CHCHD3: variants seen among roughly 807,000 people sequenced by gnomAD.
The protein encoded by CHCHD3 is MICOS complex subunit MIC19.
CHCHD3 carries 20 observed loss-of-function variants against 38.2 expected under a neutral mutation model. That is an observed-to-expected ratio of 0.52 (90% confidence interval 0.37 to 0.76). The LOEUF (loss-of-function observed/expected upper bound fraction) is 0.76, where lower values mean the gene tolerates loss of function less well. CHCHD3 is among the 30% of genes least tolerant of loss of function. The pLI, the probability that CHCHD3 is intolerant of heterozygous loss-of-function variation, is 0.00. For missense variants in CHCHD3, 245 were observed against 279.2 expected (o/e 0.88, Z 0.87); for synonymous variants, 82 against 100.0 (o/e 0.82, Z 1.07).
chr7:133,056,477 A>C (rs1814336003), intron 2 of CHCHD3, among the ~76,000 whole-genome samples: 1 of 152,156 alleles, frequency 6.6e-6, no homozygotes, highest in African/African-American at 2.4e-5. Context: ...CCTTTCCTGA[A>C]GTCTGCCCTG....
At chr7:133,006,546 A>C (rs148626229) in intron 3 of CHCHD3, among the ~76,000 whole-genome samples, 1 of 152,228 alleles carries the variant, frequency 6.6e-6, no homozygotes, top group Non-Finnish European at 1.5e-5. Context: ...GATACGAGCA[A>C]CCATGGTCAT....
At chr7:133,019,053 T>C (rs1813106951) in intron 3 of CHCHD3, among the ~76,000 whole-genome samples, 1 of 151,912 alleles carries the variant, frequency 6.6e-6, no homozygotes, top group African/African-American at 2.4e-5. Context: ...CCAGCTAATT[T>C]TGTATTTTTA....
intron 1 of CHCHD3, among the ~76,000 whole-genome samples, chr7:133,074,507 G>A (rs1814919715): frequency 6.6e-6 from 1 of 151,960 alleles, no homozygotes; most frequent in South Asian, 2.1e-4. Context: ...AAAAATCCCC[G>A]TAAGACTGAC....
intron 2 of CHCHD3, among the ~76,000 whole-genome samples, chr7:133,067,652 G>A (rs114825553): frequency 0.012 from 1,858 of 152,256 alleles, 32 homozygotes; most frequent in African/African-American, 0.042. Context: ...AAACTGGACA[G>A]CCATTTGTTT....
intron 4 of CHCHD3, among the ~76,000 whole-genome samples, chr7:132,918,573 G>A (rs1296506757): frequency 2.6e-5 from 4 of 152,244 alleles, no homozygotes; most frequent in Non-Finnish European, 5.9e-5. Context: ...CTCCAGTATG[G>A]TTCTGCTGAG....
At chr7:132,973,373 T>A (rs1811661649) in intron 4 of CHCHD3, 1 of 985,406 alleles carries the variant, frequency 1.0e-6, no homozygotes, top group African/African-American at 1.7e-5. Flanking sequence ...GAAATGACTT[T>A]TCAACCCACT....
intron 6 of CHCHD3, among the ~76,000 whole-genome samples, chr7:132,810,878 A>G (rs1338785718): frequency 6.6e-6 from 1 of 152,140 alleles, no homozygotes; most frequent in Non-Finnish European, 1.5e-5. Context: ...GAAAAATCAC[A>G]AAACTAGGGA....
At chr7:132,879,383 T>C (rs1477850679) in intron 5 of CHCHD3, among the ~76,000 whole-genome samples, 1 of 152,168 alleles carries the variant, frequency 6.6e-6, no homozygotes, top group Admixed American at 6.6e-5. Flanking sequence ...GAGGGCTTCA[T>C]GCTGAGCCAA....
chr7:132,909,358 G>A (rs1424743926), intron 4 of CHCHD3, among the ~76,000 whole-genome samples: 2 of 152,124 alleles, frequency 1.3e-5, no homozygotes, highest in Admixed American at 6.5e-5. Context: ...GCCAGGTGTG[G>A]TGCGCATCTG....
intron 4 of CHCHD3, among the ~76,000 whole-genome samples, chr7:132,896,358 A>G (rs1031670641): frequency 2.0e-5 from 3 of 152,212 alleles, no homozygotes; most frequent in African/African-American, 7.2e-5. Context: ...CTGCTTGGGC[A>G]GTGACTATGC....
At chr7:133,009,071 A>C (rs1812787031) in intron 3 of CHCHD3, among the ~76,000 whole-genome samples, 1 of 151,948 alleles carries the variant, frequency 6.6e-6, no homozygotes. Flanking sequence ...CTTCAACTCA[A>C]AACGCACAAG....
intron 4 of CHCHD3, among the ~76,000 whole-genome samples, chr7:132,943,588 AT>A (rs1810824643): frequency 6.6e-6 from 1 of 152,158 alleles, no homozygotes; most frequent in South Asian, 2.1e-4. Flanking sequence ...TAGTAAAAAA[AT>A]TGAAAACAAA....
chr7:132,907,936 C>T (rs1240249140), intron 4 of CHCHD3, among the ~76,000 whole-genome samples: 1 of 151,986 alleles, frequency 6.6e-6, no homozygotes, highest in African/African-American at 2.4e-5. Flanking sequence ...AAACAAACCA[C>T]GGTCAAAAAC....
chr7:132,848,536 T>G (rs937851237), intron 5 of CHCHD3, among the ~76,000 whole-genome samples: 1 of 152,210 alleles, frequency 6.6e-6, no homozygotes, highest in African/African-American at 2.4e-5. Context: ...TTTTACAGAA[T>G]TACACAGAAT....
chr7:133,067,833 T>G (rs1814713995), intron 2 of CHCHD3, among the ~76,000 whole-genome samples: 1 of 152,232 alleles, frequency 6.6e-6, no homozygotes, highest in African/African-American at 2.4e-5. Flanking sequence ...AATACCTGGC[T>G]TGGCCGGGCA....
At chr7:132,858,587 G>C (rs1019277804) in intron 5 of CHCHD3, among the ~76,000 whole-genome samples, 3 of 152,136 alleles carry the variant, frequency 2.0e-5, no homozygotes, top group Non-Finnish European at 2.9e-5. Context: ...AGCATGAATA[G>C]CCTAGTATTG....
chr7:132,827,035 T>C (rs992372211), intron 6 of CHCHD3, among the ~76,000 whole-genome samples: 7 of 152,200 alleles, frequency 4.6e-5, no homozygotes, highest in African/African-American at 1.7e-4. Context: ...CAGCCCTGAC[T>C]CTGAGATAAG....
At chr7:132,937,368 T>TTA in intron 4 of CHCHD3, among the ~76,000 whole-genome samples, 1 of 152,302 alleles carries the variant, frequency 6.6e-6, no homozygotes, top group Middle Eastern at 3.4e-3. Flanking sequence ...ACTATTGTTC[T>TTA]TATAACCTTT....
At chr7:132,938,580 A>ACCATCAAAACTCAGGAGT (rs148661819) in intron 4 of CHCHD3, among the ~76,000 whole-genome samples, 108,836 of 151,880 alleles carry the variant, frequency 0.72, 39,201 homozygotes, top group African/African-American at 0.76. Flanking sequence ...AAAGTACATC[A>ACCATCAAAACTCAGGAGT]CCCAGGTAAA....
Sources: allele counts gnomAD v4.1 joint callset (sites outside exome capture counted in the v4.1 genomes callset), GRCh38; gene constraint gnomAD v4.1.1; transcripts MANE v1.5; gene names NCBI Gene and HGNC (gene_info 2026-07-23, HGNC 2026-07-21).